The following EPB41L4A variants were observed in gnomAD, a reference collection of about 807,000 sequenced individuals.
The protein encoded by EPB41L4A is erythrocyte membrane protein band 4.1 like 4A.
EPB41L4A carries 100 observed loss-of-function variants against 108.6 expected under a neutral mutation model. The observed-to-expected ratio is 0.92, with a 90% confidence interval of 0.78 to 1.09. EPB41L4A has a LOEUF of 1.09. Among genes scored for constraint, EPB41L4A ranks in the 50% least tolerant of loss-of-function variants. EPB41L4A has a pLI of 0.00. For missense variants in EPB41L4A, 1,030 were observed against 842.7 expected, an observed-to-expected ratio of 1.22 and a Z score of -2.75; for synonymous variants, 319 against 289.0, an observed-to-expected ratio of 1.10 and a Z score of -1.05.
At chr5:112,153,525 T>C (rs1406060729) in intron 12 of EPB41L4A, among the ~76,000 whole-genome samples, 1 of 145,060 alleles carries the variant, frequency 6.9e-6, no homozygotes, top group Admixed American at 6.9e-5. Context: ...CAAGACTCTG[T>C]CTCAAAAAAA....
chr5:112,320,345 G>A (rs879504800), intron 1 of EPB41L4A, among the ~76,000 whole-genome samples: 8 of 152,192 alleles, frequency 5.3e-5, no homozygotes, highest in African/African-American at 1.7e-4. Flanking sequence ...GGATTCTGCT[G>A]CAAGTATGGG....
chr5:112,363,353 T>C (rs996797886), intron 1 of EPB41L4A: 1 of 148,550 alleles, frequency 6.7e-6, no homozygotes, highest in African/African-American at 2.5e-5. Flanking sequence ...CCCAACACTT[T>C]GAGAGGCTGA....
chr5:112,407,534 T>C (rs1172815739), intron 1 of EPB41L4A, among the ~76,000 whole-genome samples: 1 of 152,238 alleles, frequency 6.6e-6, no homozygotes, highest in African/African-American at 2.4e-5. Context: ...CTCTAAAACC[T>C]GCTAAATATG....
chr5:112,274,326 A>C, intron 4 of EPB41L4A, among the ~76,000 whole-genome samples: 1 of 152,250 alleles, frequency 6.6e-6, no homozygotes, highest in East Asian at 1.9e-4. Flanking sequence ...TCTTTTCATC[A>C]ATCAATCAAT....
chr5:112,147,256 G>C (rs190697436), intron 12 of EPB41L4A, among the ~76,000 whole-genome samples: 44 of 152,292 alleles, frequency 2.9e-4, no homozygotes, highest in Middle Eastern at 3.4e-3. Context: ...GTGGAGAAGA[G>C]ATTTTACATA....
chr5:112,359,353 G>A (rs1277778428), intron 1 of EPB41L4A, among the ~76,000 whole-genome samples: 1 of 152,154 alleles, frequency 6.6e-6, no homozygotes, highest in African/African-American at 2.4e-5. Context: ...CTTTCCAACT[G>A]AGAGAAACTG....
intron 7 of EPB41L4A, among the ~76,000 whole-genome samples, chr5:112,260,421 T>C (rs1422019899): frequency 2.0e-5 from 3 of 152,246 alleles, no homozygotes; most frequent in African/African-American, 7.2e-5. Context: ...GATACTTCTG[T>C]ACAGTTAAAG....
chr5:112,296,602 T>C (rs112799091), intron 2 of EPB41L4A, among the ~76,000 whole-genome samples: 80 of 152,294 alleles, frequency 5.3e-4, no homozygotes, highest in African/African-American at 1.7e-3. Flanking sequence ...TTATATTTTA[T>C]GTTTAATAAT....
At chr5:112,169,169 T>A (rs1760430749) in intron 20 of EPB41L4A, 64 bp from the exon 21 acceptor site, 2 of 1,169,388 alleles carry the variant, frequency 1.7e-6, no homozygotes, top group Admixed American at 3.4e-5. Context: ...AAGTAGGAGT[T>A]CTTAATATTG....
At chr5:112,153,856 T>C (rs1414610783) in intron 12 of EPB41L4A, among the ~76,000 whole-genome samples, 1 of 150,958 alleles carries the variant, frequency 6.6e-6, no homozygotes, top group Non-Finnish European at 1.5e-5. Context: ...TCTTATAGTT[T>C]TATTACTTAT....
intron 4 of EPB41L4A, among the ~76,000 whole-genome samples, chr5:112,275,024 C>A (rs1270854326): frequency 6.6e-6 from 1 of 152,174 alleles, no homozygotes; most frequent in Non-Finnish European, 1.5e-5. Flanking sequence ...GTTCAAATAA[C>A]TTCGATATGA....
chr5:112,325,328 C>A (rs888580145), intron 1 of EPB41L4A, among the ~76,000 whole-genome samples: 3 of 151,834 alleles, frequency 2.0e-5, no homozygotes, highest in African/African-American at 7.3e-5. Flanking sequence ...GTAGTCCCAG[C>A]TACTTGGGAG....
intron 2 of EPB41L4A, among the ~76,000 whole-genome samples, chr5:112,280,677 G>A (rs1056455709): frequency 2.0e-5 from 3 of 152,166 alleles, no homozygotes; most frequent in East Asian, 1.9e-4. Context: ...TGATGCTGAC[G>A]TTGGAAGAGA....
chr5:112,258,060 C>A (rs1751235320), intron 9 of EPB41L4A, among the ~76,000 whole-genome samples: 1 of 152,230 alleles, frequency 6.6e-6, no homozygotes, highest in African/African-American at 2.4e-5. Context: ...CTTTAAAAAT[C>A]TGGAATTCCC....
intron 2 of EPB41L4A, 42 bp downstream of exon 2, chr5:112,307,344 A>G: frequency 7.3e-7 from 1 of 1,377,464 alleles, no homozygotes; most frequent in East Asian, 2.3e-5. Context: ...ATAGAGTGAA[A>G]TTTATAACCA....
At chr5:112,325,887 T>G (rs1181367585) in intron 1 of EPB41L4A, among the ~76,000 whole-genome samples, 2 of 152,196 alleles carry the variant, frequency 1.3e-5, no homozygotes, top group African/African-American at 4.8e-5. Context: ...GGCTCATGCC[T>G]GCAATCCCAA....
intron 15 of EPB41L4A, among the ~76,000 whole-genome samples, chr5:112,198,181 T>TGCACCACC (rs1762053393): frequency 6.6e-6 from 1 of 152,082 alleles, no homozygotes; most frequent in South Asian, 2.1e-4. Flanking sequence ...ATTACAGGCA[T>TGCACCACC]GCACCACCAC....
rs1198610052 is a variant in EPB41L4A, at chr5:112,399,744, AGGC to A, written c.99+19194_99+19196del. On this transcript the variant is annotated intron_variant, in intron 1 of 22. Coordinates refer to ENST00000261486, the MANE Select transcript of EPB41L4A (RefSeq NM_022140.5). ...CGTCTTAAATCCCCTTAATGGCTTC[AGGC>A]CCTTCACCTACCTAGTAACACCAAC... Among the ~76,000 whole-genome samples the A allele has an allele frequency of 9.8e-4, 149 of 152,292 alleles. 1 individual carries two copies. Among genetic ancestry groups the A allele is most frequent in the African/African-American group, 3.1e-3 (129 of 41,562 alleles).
At chr5:112,145,301 C>T (rs1759209152) in intron 13 of EPB41L4A, among the ~76,000 whole-genome samples, 1 of 152,104 alleles carries the variant, frequency 6.6e-6, no homozygotes, top group Admixed American at 6.6e-5. Flanking sequence ...TGTGGTTCAT[C>T]TTAATTTGAT....
Sources: allele counts gnomAD v4.1 joint callset (sites outside exome capture counted in the v4.1 genomes callset), GRCh38; gene constraint gnomAD v4.1.1; transcripts MANE v1.5; gene names NCBI Gene and HGNC (gene_info 2026-07-23, HGNC 2026-07-21).